IP6K3: variants seen among roughly 807,000 people sequenced by gnomAD.
IP6K3 encodes inositol hexakisphosphate kinase 3, also known as ATP:1D-myo-inositol-hexakisphosphate phosphotransferase.
A neutral mutation model predicts 28.8 loss-of-function variants in IP6K3; 20 were observed. That is an observed-to-expected ratio of 0.70 (90% CI 0.49 to 1.01). IP6K3 has a LOEUF of 1.01. Ranked by LOEUF, IP6K3 falls within the 50% of genes least tolerant of loss-of-function variation. IP6K3 has a pLI of 0.00. For synonymous variants in IP6K3, 213 were observed against 221.3 expected, an observed-to-expected ratio of 0.96 and a Z score of 0.33; for missense variants, 480 against 537.1, an observed-to-expected ratio of 0.89 and a Z score of 1.05.
At chr6:33,745,320 C>T (rs1349871227) in intron 1 of IP6K3, among the ~76,000 whole-genome samples, 2 of 152,142 alleles carry the variant, frequency 1.3e-5, no homozygotes, top group East Asian at 1.9e-4. Context: ...CTGTGACCCC[C>T]GGAAGCAGCA....
intron 2 of IP6K3, among the ~76,000 whole-genome samples, chr6:33,733,313 G>C (rs767146397): frequency 1.1e-4 from 17 of 152,264 alleles, no homozygotes; most frequent in Non-Finnish European, 2.1e-4. Context: ...GGGCTGACCT[G>C]AAGGGGAAAG....
chr6:33,728,174 G>A lies in IP6K3; in HGVS notation c.326C>T (p.Thr109Met), dbSNP rs150896095. Residue 109 changes from threonine (T) to methionine (M), a missense_variant, in exon 3 of 6, where the codon ACG (threonine) becomes ATG (methionine). By Grantham distance (81) the Thr-to-Met change is moderately conservative (BLOSUM62 -1). Coordinates refer to ENST00000293756, the MANE Select transcript of IP6K3 (RefSeq NM_054111.5). ...TESAAVAIWQ[T>M]LQQTTGSNGS... ...ATTGCTGCCGGTGGTCTGCTGGAGC[G>A]TCTGCCATATGGCCACCGCCGCCGA... The A allele has an allele frequency of 1.8e-3, 2,853 of 1,613,360 alleles. 12 individuals are homozygous for A. The highest frequency in any genetic ancestry group is 7.8e-3 in the Middle Eastern group (47 of 6,060).
intron 5 of IP6K3, among the ~76,000 whole-genome samples, chr6:33,724,783 T>C (rs888694292): frequency 1.3e-5 from 2 of 152,180 alleles, no homozygotes; most frequent in Non-Finnish European, 2.9e-5. Context: ...GCCCTTTCTC[T>C]TAGTCCTTAC....
At chr6:33,725,264 C>T (rs1045080333) in intron 5 of IP6K3, among the ~76,000 whole-genome samples, 177 bp downstream of exon 5, 9 of 151,854 alleles carry the variant, frequency 5.9e-5, no homozygotes, top group African/African-American at 2.2e-4. Flanking sequence ...AAGAAAATTT[C>T]CAGTGTGTCA....
At position 33,723,118 on chromosome 6, in the gene IP6K3, C is replaced by T; in HGVS notation, c.835G>A (p.Gly279Arg). ...AACTGATAGAGGGCTTGTCTGAACC[C>T]CTCCACTGAGAGTTTTCTTCCATAG... is the stretch of plus-strand genomic sequence containing the variant. ...KYYGRKLSVEGFRQALYQFLH... is the reference protein window; with the variant it reads ...KYYGRKLSVERFRQALYQFLH... The change falls in exon 6 of 6, where the codon GGG becomes AGG. Residue 279 changes from glycine (G) to arginine (R), a missense_variant. Transcript: ENST00000293756. The T allele has an allele frequency of 6.2e-7, 1 of 1,613,946 alleles. No individual in the cohort carries two copies. Among genetic ancestry groups the T allele is most frequent in the South Asian group, 1.1e-5 (1 of 91,052 alleles).
Position 33,735,325 on chromosome 6 carries a change from T to C in IP6K3, c.152A>G (p.Tyr51Cys), listed in dbSNP as rs769674814. ...KPLVSREQRF[Y>C]ESLPLAMKRF... ...CTTCATGGCCAGCGGCAGGGATTCATAGAACCTCTGCTCCCGGGAGACGAG... is the reference window on the plus strand; with the variant it reads ...CTTCATGGCCAGCGGCAGGGATTCACAGAACCTCTGCTCCCGGGAGACGAG... The change falls in exon 2 of 6, where the codon TAT becomes TGT. Residue 51 changes from tyrosine (Y) to cysteine (C), a missense_variant. Physicochemically the swap from Tyr to Cys is radical, Grantham distance 194. Transcript: ENST00000293756. 32 of 1,610,144 alleles carry C rather than the reference T, an allele frequency of 2.0e-5. 1 individual carries two copies. The East Asian group carries it at 7.1e-4, about 36-fold the overall frequency.
intron 4 of IP6K3, 50 bp downstream of exon 4, chr6:33,726,680 TC>T: frequency 6.7e-7 from 1 of 1,503,244 alleles, no homozygotes; most frequent in Non-Finnish European, 9.0e-7. Context: ...CCTCTGTGTC[TC>T]TCTGTCGCCC....
the IP6K3 span, among the ~76,000 whole-genome samples, chr6:33,757,939 G>C: frequency 2.0e-5 from 3 of 152,212 alleles, no homozygotes; most frequent in African/African-American, 7.2e-5. Context: ...AGGCAGGGGG[G>C]ATCAGCTGAA....
the IP6K3 span, among the ~76,000 whole-genome samples, chr6:33,756,319 TGAG>T: frequency 6.6e-6 from 1 of 151,936 alleles, no homozygotes; most frequent in African/African-American, 2.4e-5. Flanking sequence ...AGCAGAGACT[TGAG>T]GAGGTAGGAT....
At chr6:33,732,270 C>T (rs913008275) in intron 2 of IP6K3, among the ~76,000 whole-genome samples, 10 of 152,182 alleles carry the variant, frequency 6.6e-5, no homozygotes, top group Non-Finnish European at 1.2e-4. Context: ...GCATCCCTGC[C>T]CATCATCCTC....
At chr6:33,734,703 C>T (rs1766446921) in intron 2 of IP6K3, among the ~76,000 whole-genome samples, 1 of 152,224 alleles carries the variant, frequency 6.6e-6, no homozygotes, top group African/African-American at 2.4e-5. Context: ...CCCCAGAACC[C>T]ACCTTGTGCT....
intron 2 of IP6K3, among the ~76,000 whole-genome samples, chr6:33,732,694 A>G (rs1036899719): frequency 5.9e-5 from 9 of 152,340 alleles, no homozygotes; most frequent in African/African-American, 1.9e-4. Flanking sequence ...CATCTATGAC[A>G]GGGCGGATAA....
Position 33,723,125 on chromosome 6 carries a change from TGA to T in IP6K3, c.826_827del (p.Val277GlyfsTer13). ...AGAGGGCTTGTCTGAACCCCTCCAC[TGA>T]GAGTTTTCTTCCATAGTACTTGTCT... is the stretch of plus-strand genomic sequence containing the variant. ...CKDKYYGRKL[S>X]VEGFRQALYQ... On this transcript the variant is annotated frameshift_variant, in exon 6 of 6. Transcript: ENST00000293756. LOFTEE classifies it low-confidence loss of function (END_TRUNC). 6.2e-7 allele frequency: 1 copy of T among 1,613,852 alleles called. No individual in the cohort carries two copies. Among genetic ancestry groups the T allele is most frequent in the South Asian group, 1.1e-5 (1 of 91,030 alleles).
the IP6K3 span, among the ~76,000 whole-genome samples, chr6:33,762,057 G>A: frequency 6.6e-6 from 1 of 152,182 alleles, no homozygotes; most frequent in Non-Finnish European, 1.5e-5. Context: ...CCCTTCTGGG[G>A]GCCTGAACCC....
Position 33,735,645 on chromosome 6 carries a change from A to C in IP6K3, c.-169T>G. The stretch of plus-strand genomic sequence containing the variant: ...GTTGTCCTCCTGTCTGTGGGTTCTC[A>C]GCGGGGTCCTCTGGAAAGCAGGGGA... On this transcript the variant is annotated 5_prime_UTR_variant, in exon 2 of 6. Coordinates refer to ENST00000293756, the MANE Select transcript of IP6K3 (RefSeq NM_054111.5). 34 of 1,427,890 alleles carry C rather than the reference A, an allele frequency of 2.4e-5. No individual in the cohort carries two copies. The highest frequency in any genetic ancestry group is 2.8e-5 in the Non-Finnish European group (31 of 1,091,592). 88.5% of individuals were successfully genotyped at this position (1,427,890 alleles called of 1,614,324 possible).
intron 1 of IP6K3, among the ~76,000 whole-genome samples, chr6:33,740,792 T>C (rs186860147): frequency 1.3e-5 from 2 of 152,364 alleles, no homozygotes; most frequent in East Asian, 3.9e-4. Flanking sequence ...TTACGGAAGA[T>C]GCATCTCTTT....
upstream of IP6K3, among the ~76,000 whole-genome samples, chr6:33,751,381 T>G (rs1767019180): frequency 6.6e-6 from 1 of 151,880 alleles, no homozygotes; most frequent in Admixed American, 6.6e-5. The surrounding 1 kb of genome is among the most constrained non-coding windows in gnomAD (Gnocchi z 4.3). Context: ...GATTGCAAAA[T>G]CTGGGAGGTG....
At chr6:33,730,533 C>A (rs1056888561) in intron 2 of IP6K3, among the ~76,000 whole-genome samples, 5 of 152,198 alleles carry the variant, frequency 3.3e-5, no homozygotes, top group Non-Finnish European at 5.9e-5. Flanking sequence ...TAGCGTCCAC[C>A]CCTAGGCCAA....
At chr6:33,756,275 C>T in the IP6K3 span, among the ~76,000 whole-genome samples, 8 of 152,176 alleles carry the variant, frequency 5.3e-5, no homozygotes, top group Non-Finnish European at 1.2e-4. Flanking sequence ...GTTAAATAAG[C>T]GGGTCAGGGA....
Sources: gnomAD v4.1 joint callset for allele counts (sites outside exome capture counted in the v4.1 genomes callset) on GRCh38, gnomAD v4.1.1 for gene constraint, Gnocchi (gnomAD v3.1) non-coding constraint, MANE v1.5 for transcripts, NCBI Gene and HGNC (gene_info 2026-07-23, HGNC 2026-07-21) for gene names.